DOCK3: variants seen among roughly 807,000 people sequenced by gnomAD.
The protein encoded by DOCK3 is dedicator of cytokinesis protein 3.
A neutral mutation model predicts 265.6 loss-of-function variants in DOCK3; 60 were observed. The observed-to-expected ratio is 0.23, with a 90% CI of 0.18 to 0.28. DOCK3 has a LOEUF of 0.28. Among genes scored for constraint, DOCK3 ranks in the 10% least tolerant of loss-of-function variants. DOCK3 has a pLI of 1.00. For synonymous variants in DOCK3, 881 were observed against 938.0 expected (o/e 0.94, Z 1.11); for missense variants, 1,981 against 2,594.3 (o/e 0.76, Z 5.14).
intron 1 of DOCK3, among the ~76,000 whole-genome samples, chr3:50,775,926 T>G (rs1211636123): frequency 1.3e-5 from 2 of 152,206 alleles, no homozygotes; most frequent in African/African-American, 4.8e-5. Context: ...TTGTTCCTTT[T>G]TATAGCTAAG....
intron 2 of DOCK3, among the ~76,000 whole-genome samples, chr3:50,780,468 A>C (rs1035433148): frequency 2.6e-5 from 4 of 152,228 alleles, no homozygotes; most frequent in Admixed American, 6.5e-5. Context: ...CACTCATGGC[A>C]AAAGTCAAAG....
intron 12 of DOCK3, among the ~76,000 whole-genome samples, chr3:51,170,652 A>G (rs1439320160): frequency 6.6e-6 from 1 of 152,176 alleles, no homozygotes; most frequent in Non-Finnish European, 1.5e-5. Flanking sequence ...TAATTCAACT[A>G]AAGATTTGTC....
chr3:50,794,100 G>A (rs1346613682), intron 2 of DOCK3, among the ~76,000 whole-genome samples: 1 of 152,130 alleles, frequency 6.6e-6, no homozygotes, highest in Non-Finnish European at 1.5e-5. Context: ...TGACAGAGTG[G>A]TTGTTATGAT....
chr3:50,832,815 A>G (rs1368660896), intron 2 of DOCK3, among the ~76,000 whole-genome samples: 1 of 152,158 alleles, frequency 6.6e-6, no homozygotes, highest in African/African-American at 2.4e-5. Flanking sequence ...CCTAACTATC[A>G]GGGTCTCTTG....
At chr3:51,122,452 A>C (rs753571173) in intron 9 of DOCK3, among the ~76,000 whole-genome samples, 1 of 152,218 alleles carries the variant, frequency 6.6e-6, no homozygotes, top group Non-Finnish European at 1.5e-5. Flanking sequence ...GTCTCAAAAT[A>C]AAAGAAAGAT....
chr3:51,287,332 T>G (rs2081461826), intron 27 of DOCK3, among the ~76,000 whole-genome samples: 1 of 152,072 alleles, frequency 6.6e-6, no homozygotes, highest in Non-Finnish European at 1.5e-5. Context: ...CAAGATCACT[T>G]GAGCCCAGGA....
chr3:50,777,328 A>G (rs2041663851), intron 1 of DOCK3, among the ~76,000 whole-genome samples: 1 of 152,118 alleles, frequency 6.6e-6, no homozygotes, highest in South Asian at 2.1e-4. Context: ...TGTTTTGGTA[A>G]CTATAGCCCT....
intron 32 of DOCK3, among the ~76,000 whole-genome samples, chr3:51,317,020 A>G (rs1252600905): frequency 6.6e-6 from 1 of 152,150 alleles, no homozygotes; most frequent in Admixed American, 6.5e-5. Flanking sequence ...TCATACCCCA[A>G]GAACTTTTTC....
intron 27 of DOCK3, among the ~76,000 whole-genome samples, chr3:51,296,633 T>C (rs753153629): frequency 8.6e-5 from 13 of 151,910 alleles, no homozygotes; most frequent in Non-Finnish European, 1.2e-4. Context: ...CCCGCCACCA[T>C]GCCCGGCTAT....
Position 51,380,017 on chromosome 3 carries a change from T to TC in DOCK3, c.5501-104dup, listed in dbSNP as rs2088492817. 9 of 999,448 alleles carry TC rather than the reference T, an allele frequency of 9.0e-6. No individual in the cohort carries two copies. In the Admixed American group the frequency reaches 2.3e-4, roughly 26 times the overall value. The allele number at this position is 999,448 out of a possible 1,614,324, so 61.9% of individuals were successfully genotyped here. The stretch of plus-strand genomic sequence containing the variant: ...ATCCATAGCCCTCAATGCTGAGGGG[T>TC]CCCCAGGGGACTCTTCTCATGCCTG... On this transcript the variant is annotated intron_variant, in intron 51 of 52. Coordinates refer to ENST00000266037, the MANE Select transcript of DOCK3 (RefSeq NM_004947.5).
intron 12 of DOCK3, among the ~76,000 whole-genome samples, chr3:51,187,694 A>T (rs895845256): frequency 6.6e-6 from 1 of 150,396 alleles, no homozygotes; most frequent in African/African-American, 2.5e-5. Context: ...TGCTGTTCTC[A>T]TGAATGGGTC....
chr3:50,905,549 T>C (rs1436049169), intron 4 of DOCK3, among the ~76,000 whole-genome samples: 2 of 152,122 alleles, frequency 1.3e-5, no homozygotes, highest in East Asian at 3.8e-4. Flanking sequence ...TCACTCATGA[T>C]TTGGCTCTCT....
rs1405192865 is a variant in DOCK3 at position 51,221,155 on chromosome 3, C to T, written c.1253-4494C>T. On this transcript the variant is annotated intron_variant, in intron 14 of 52. Transcript: ENST00000266037. The stretch of plus-strand genomic sequence containing the variant: ...TAAGATTTCTGGTGGCTGAACAGCA[C>T]TGTTTACTTTTAAGATCGCTCACTC... Among the ~76,000 whole-genome samples, 6 of 152,296 alleles carry T rather than the reference C, an allele frequency of 3.9e-5. No homozygotes were observed. In the East Asian group the frequency reaches 1.2e-3, roughly 29 times the overall value.
At chr3:50,922,296 G>T (rs536825101) in intron 4 of DOCK3, among the ~76,000 whole-genome samples, 1 of 152,220 alleles carries the variant, frequency 6.6e-6, no homozygotes, top group Non-Finnish European at 1.5e-5. Flanking sequence ...CTTGCAGTTT[G>T]ATCTCAGACT....
intron 9 of DOCK3, among the ~76,000 whole-genome samples, chr3:51,141,512 A>G (rs1245976777): frequency 1.3e-5 from 2 of 152,162 alleles, no homozygotes; most frequent in East Asian, 3.8e-4. Flanking sequence ...GTGTGAAATA[A>G]AGGTCCAGCT....
rs2086418774 is a variant in DOCK3, at chr3:51,357,154, C to T, written c.4683+13C>T. 1.9e-6 allele frequency: 3 copies of T among 1,609,958 alleles called. No homozygotes were observed. Among genetic ancestry groups the T allele is most frequent in the African/African-American group, 2.7e-5 (2 of 74,958 alleles). On this transcript the variant is annotated intron_variant, in intron 44 of 52. Coordinates refer to ENST00000266037, the MANE Select transcript of DOCK3 (RefSeq NM_004947.5). Reference sequence around the variant, plus strand: ...ACGCTATCAGGAGGTAAGCTGTGGCCACAGGCCAAACCCATGCAGCCAGCC... The same window carrying T: ...ACGCTATCAGGAGGTAAGCTGTGGCTACAGGCCAAACCCATGCAGCCAGCC...
At position 51,283,782 on chromosome 3, in the gene DOCK3, G is replaced by A. The variant is rs9871213; in HGVS notation, c.2922+3578G>A. 2.8e-3 allele frequency among the ~76,000 whole-genome samples: 428 copies of A among 152,198 alleles called. 1 individual carries two copies. Among genetic ancestry groups the A allele is most frequent in the African/African-American group, 9.7e-3 (403 of 41,524 alleles). ...AAGGGACTGCATCCTAAACCTCCCC[G>A]TTCTGGGAACAAAGGGGACTGGCAT... On this transcript the variant is annotated intron_variant, in intron 27 of 52. Coordinates refer to ENST00000266037, the MANE Select transcript of DOCK3 (RefSeq NM_004947.5).
intron 5 of DOCK3, among the ~76,000 whole-genome samples, chr3:51,009,037 T>C (rs1481170569): frequency 6.6e-6 from 1 of 152,208 alleles, no homozygotes; most frequent in South Asian, 2.1e-4. Flanking sequence ...TTATTGAGGA[T>C]TTTCACATCA....
intron 5 of DOCK3, among the ~76,000 whole-genome samples, chr3:51,060,274 A>C (rs941680882): frequency 6.6e-6 from 1 of 151,978 alleles, no homozygotes; most frequent in African/African-American, 2.4e-5. Context: ...TATTTATTTA[A>C]CCCCCCAGTG....
Sources: allele counts gnomAD v4.1 joint callset (sites outside exome capture counted in the v4.1 genomes callset), GRCh38; gene constraint gnomAD v4.1.1; transcripts MANE v1.5; gene names NCBI Gene and HGNC (gene_info 2026-07-23, HGNC 2026-07-21).